Variants in ANKRD36C observed in about 807,000 individuals in gnomAD.
ANKRD36C encodes the protein ankyrin repeat domain 36C.
A neutral mutation model predicts 276.4 loss-of-function variants in ANKRD36C; 61 were observed. The observed-to-expected ratio is 0.22, with a 90% confidence interval of 0.18 to 0.27. The LOEUF (loss-of-function observed/expected upper bound fraction) is 0.27, where lower values mean the gene tolerates loss of function less well. ANKRD36C is among the 10% of genes least tolerant of loss of function. ANKRD36C has a pLI of 1.00. For synonymous variants in ANKRD36C, 483 were observed against 680.1 expected, an observed-to-expected ratio of 0.71 and a Z score of 4.51; for missense variants, 1,447 against 2,032.3, an observed-to-expected ratio of 0.71 and a Z score of 5.54.
chr2:95,948,496 G>C, intron 17 of ANKRD36C, 34 bp downstream of exon 17: 1 of 1,492,582 alleles, frequency 6.7e-7, no homozygotes. Flanking sequence ...GAGATTCGGA[G>C]TGAGAAAATT....
chr2:95,956,921 C>A (rs1213466682), intron 12 of ANKRD36C, 105 bp from the exon 13 acceptor site: 7 of 1,135,460 alleles, frequency 6.2e-6, no homozygotes, highest in Non-Finnish European at 7.4e-6. Flanking sequence ...CTCAGCTACT[C>A]AAAAGGCTGA....
intron 27 of ANKRD36C, 43 bp from the exon 28 acceptor site, chr2:95,927,329 T>G (rs1278049864): frequency 6.2e-7 from 1 of 1,608,020 alleles, no homozygotes; most frequent in South Asian, 1.1e-5. Flanking sequence ...GTAAAGTAGG[T>G]TTCATAGACT....
chr2:95,887,531 G>A (rs1676227591), intron 50 of ANKRD36C, among the ~76,000 whole-genome samples: 1 of 151,484 alleles, frequency 6.6e-6, no homozygotes, highest in South Asian at 2.1e-4. Flanking sequence ...AGTGTCTACA[G>A]GTTATTAGGA....
At chr2:95,989,409 A>G (rs1455294825) in intron 1 of ANKRD36C, among the ~76,000 whole-genome samples, 1 of 152,162 alleles carries the variant, frequency 6.6e-6, no homozygotes, top group Non-Finnish European at 1.5e-5. Flanking sequence ...TACAAACACC[A>G]TAGATTGTTT....
At chr2:95,989,363 A>G (rs1679092712) in intron 1 of ANKRD36C, among the ~76,000 whole-genome samples, 1 of 152,220 alleles carries the variant, frequency 6.6e-6, no homozygotes, top group Non-Finnish European at 1.5e-5. Flanking sequence ...CCTGCCAGAA[A>G]AGAAGAAATG....
intron 32 of ANKRD36C, among the ~76,000 whole-genome samples, chr2:95,922,298 C>T (rs905915308): frequency 4.0e-5 from 6 of 151,626 alleles, no homozygotes; most frequent in African/African-American, 1.5e-4. Context: ...ATGTACACCT[C>T]ATGTCTCTGT....
intron 60 of ANKRD36C, among the ~76,000 whole-genome samples, chr2:95,860,959 A>G (rs890012895): frequency 3.9e-5 from 6 of 152,172 alleles, no homozygotes; most frequent in Admixed American, 1.3e-4. Flanking sequence ...TAAAAAAAAC[A>G]GTTAAAGAAA....
chr2:95,884,195 C>A lies in ANKRD36C; in HGVS notation c.3243G>T (p.Lys1081Asn), dbSNP rs768231390. 22 of 1,608,934 alleles carry A rather than the reference C, an allele frequency of 1.4e-5. No individual in the cohort carries two copies. The Middle Eastern group carries it at 1.1e-3, about 81-fold the overall frequency. Residue 1081 changes from lysine to asparagine, a missense_variant, in exon 54 of 67, where the codon AAG (lysine) becomes AAT (asparagine). Coordinates refer to ENST00000456556, the Ensembl canonical transcript of ANKRD36C. ...TACCTGTCCCAGATTTTTCTCCATC[C>A]TTTATTTCTCTGGCTATATTCGAAA... is the stretch of plus-strand genomic sequence containing the variant.
At chr2:95,897,130 A>G (rs1375917769) in intron 44 of ANKRD36C, 140 bp downstream of exon 60, 451 of 1,081,842 alleles carry the variant, frequency 4.2e-4, no homozygotes, top group Middle Eastern at 9.1e-4. Flanking sequence ...CATCACCCAC[A>G]AACTTATTTG....
chr2:95,850,768 T>C (rs1471543070), downstream of ANKRD36C, among the ~76,000 whole-genome samples: 7 of 152,242 alleles, frequency 4.6e-5, no homozygotes, highest in Non-Finnish European at 7.3e-5. Flanking sequence ...CTGTAATTGC[T>C]TAACTAATTA....
intron 10 of ANKRD36C, among the ~76,000 whole-genome samples, chr2:95,959,127 G>A (rs950640036): frequency 6.6e-6 from 1 of 152,302 alleles, no homozygotes; most frequent in East Asian, 1.9e-4. Context: ...GGGAATCAAT[G>A]TCAAAGCAGG....
rs1477278132 is a variant in ANKRD36C, at chr2:95,880,591, T to A, written c.3396+4A>T. The stretch of plus-strand genomic sequence containing the variant: ...ATTAAAAATATAAATGTAAGAGTAA[T>A]TACCTTCAAGGTGGGCAGATTCTCA... On this transcript the variant is annotated splice_donor_region_variant and intron_variant, in intron 57 of 66. Transcript: ENST00000456556. 3 of 1,530,440 alleles carry A rather than the reference T, an allele frequency of 2.0e-6. No homozygotes were observed. Among genetic ancestry groups the A allele is most frequent in the South Asian group, 1.2e-5 (1 of 83,584 alleles). 94.8% of individuals were successfully genotyped at this position (1,530,440 alleles called of 1,614,324 possible).
intron 59 of ANKRD36C, 130 bp downstream of exon 79, chr2:95,876,309 T>C (rs933227923): frequency 3.0e-5 from 23 of 756,324 alleles, no homozygotes; most frequent in Non-Finnish European, 4.3e-5. Context: ...GTTTTTAAAA[T>C]GAAATATTAA....
chr2:95,945,030 C>T (rs1678006196), intron 18 of ANKRD36C, 84 bp downstream of exon 18: 15 of 1,459,360 alleles, frequency 1.0e-5, no homozygotes, highest in Non-Finnish European at 1.4e-5. Flanking sequence ...TTGAGTAACA[C>T]TCTGTCTACA....
intron 6 of ANKRD36C, among the ~76,000 whole-genome samples, chr2:95,972,102 A>AT (rs1390164390): frequency 1.3e-5 from 2 of 152,220 alleles, no homozygotes; most frequent in African/African-American, 4.8e-5. Flanking sequence ...TATAACAGTC[A>AT]TAAGACTGTC....
At chr2:95,849,509 G>A (rs572151548), downstream of ANKRD36C, among the ~76,000 whole-genome samples, 10 of 152,282 alleles carry the variant, frequency 6.6e-5, no homozygotes, top group Non-Finnish European at 1.0e-4. Context: ...CCACAGATGG[G>A]GGTTTGGGGG....
intron 44 of ANKRD36C, among the ~76,000 whole-genome samples, chr2:95,894,437 G>C (rs943648888): frequency 2.0e-5 from 3 of 151,382 alleles, no homozygotes; most frequent in African/African-American, 7.3e-5. Flanking sequence ...TATCAACTTT[G>C]ACATATTTCT....
At chr2:95,986,904 C>T in exon 3 of ANKRD36C, 2 of 1,612,304 alleles carry the variant, frequency 1.2e-6, no homozygotes, top group South Asian at 2.2e-5. Context: ...TTGCACAAGC[C>T]TCCTGCCTCA....
intron 30 of ANKRD36C, among the ~76,000 whole-genome samples, chr2:95,924,046 T>A (rs555934258): frequency 6.6e-6 from 1 of 151,762 alleles, no homozygotes; most frequent in African/African-American, 2.4e-5. Context: ...TACATGATCC[T>A]CCATGTCTTT....
Sources: allele counts gnomAD v4.1 joint callset (sites outside exome capture counted in the v4.1 genomes callset), GRCh38; gene constraint gnomAD v4.1.1; transcripts MANE v1.5; gene names NCBI Gene and HGNC (gene_info 2026-07-23, HGNC 2026-07-21).